The following LOXHD1 variants were observed in gnomAD, a reference collection of about 807,000 sequenced individuals.
LOXHD1 encodes the protein lipoxygenase homology PLAT domains 1, also known as lipoxygenase homology domain-containing protein 1.
Under a neutral mutation model 248.2 loss-of-function variants are expected in LOXHD1, and 205 were observed. The observed-to-expected ratio is 0.83, with a 90% CI of 0.74 to 0.93. The LOEUF (loss-of-function observed/expected upper bound fraction) is 0.93, where lower values mean the gene tolerates loss of function less well. Among genes scored for constraint, LOXHD1 ranks in the 40% least tolerant of loss-of-function variants. The pLI, the probability that LOXHD1 is intolerant of heterozygous loss-of-function variation, is 0.00. For missense variants in LOXHD1, 2,930 were observed against 2,971.6 expected, an observed-to-expected ratio of 0.99 and a Z score of 0.33; for synonymous variants, 1,113 against 1,162.8, an observed-to-expected ratio of 0.96 and a Z score of 0.87.
chr18:46,569,729 C>G (rs2037715419), intron 15 of LOXHD1, 91 bp from the exon 16 acceptor site: 2 of 1,056,156 alleles, frequency 1.9e-6, no homozygotes, highest in African/African-American at 3.2e-5. Flanking sequence ...CAGCCTGGAG[C>G]TGGAGGTTTG....
intron 12 of LOXHD1, among the ~76,000 whole-genome samples, chr18:46,588,707 A>T (rs1310320891): frequency 6.6e-6 from 1 of 152,056 alleles, no homozygotes; most frequent in Non-Finnish European, 1.5e-5. Flanking sequence ...CCTTCAAAAT[A>T]TTTCTTAAAT....
At chr18:46,496,688 C>A (rs1323412229) in intron 37 of LOXHD1, among the ~76,000 whole-genome samples, 1 of 152,192 alleles carries the variant, frequency 6.6e-6, no homozygotes, top group Non-Finnish European at 1.5e-5. Context: ...AACCTAGTAT[C>A]TCAACCACAT....
chr18:46,560,310 C>A lies in LOXHD1; in HGVS notation c.2834G>T (p.Gly945Val). ...KLQRKKKKRK[G>V]SDEEDEGEEE... Reference sequence around the variant, plus strand: ...CTCCCCCTCGTCCTCTTCGTCGCTGCCCTTCCTCTTCTTCTTCTTCCTCTG... The same window carrying A: ...CTCCCCCTCGTCCTCTTCGTCGCTGACCTTCCTCTTCTTCTTCTTCCTCTG... The change falls in exon 19 of 41, where the codon GGC becomes GTC. Residue 945 changes from glycine (G) to valine (V), a missense_variant. By Grantham distance (109) the Gly-to-Val change is moderately radical (BLOSUM62 -3). Transcript: ENST00000642948. The A allele has an allele frequency of 1.9e-6, 3 of 1,547,292 alleles. No individual in the cohort carries two copies. The highest frequency in any genetic ancestry group is 2.6e-6 in the Non-Finnish European group (3 of 1,142,856).
intron 28 of LOXHD1, among the ~76,000 whole-genome samples, chr18:46,529,954 G>A (rs950441855): frequency 2.0e-5 from 3 of 152,112 alleles, no homozygotes; most frequent in Non-Finnish European, 4.4e-5. Context: ...GTAAATATGG[G>A]TGTGACAATT....
chr18:46,601,691 A>G (rs182513952), intron 7 of LOXHD1: 230 of 566,430 alleles, frequency 4.1e-4, no homozygotes, highest in African/African-American at 3.6e-3. Flanking sequence ...TTGAGAATAA[A>G]CCGCACGTAT....
chr18:46,484,469 T>C (rs1016850691), intron 39 of LOXHD1, among the ~76,000 whole-genome samples: 1 of 152,152 alleles, frequency 6.6e-6, no homozygotes, highest in South Asian at 2.1e-4. Context: ...AGTGAGAAGA[T>C]GGCTATGAAC....
At chr18:46,656,762 G>A (rs1048197364) in intron 1 of LOXHD1, 142 bp downstream of exon 1, 2 of 991,594 alleles carry the variant, frequency 2.0e-6, no homozygotes, top group African/African-American at 3.2e-5. Flanking sequence ...TTACTCCGAG[G>A]GGATATGGAA....
Position 46,563,111 on chromosome 18 carries a change from G to C in LOXHD1, c.2552C>G (p.Ser851Cys). Residue 851 changes from serine (S) to cysteine (C), a missense_variant, in exon 18 of 41, where the codon TCC (serine) becomes TGC (cysteine). Physicochemically the swap from Ser to Cys is moderately radical, Grantham distance 112 (BLOSUM62 -1). Coordinates refer to ENST00000642948, the MANE Select transcript of LOXHD1 (RefSeq NM_001384474.1). ...EKGKTEVLFL[S>C]SRSKVFERAS... ...CCGTTCAAAAACTTTTGAGCGGCTG[G>C]AGAGGAAGAGCACTTCTGTCTTGCC... is the stretch of plus-strand genomic sequence containing the variant. 1 of 1,546,340 alleles carries C rather than the reference G, an allele frequency of 6.5e-7. No homozygotes were observed. Among genetic ancestry groups the C allele is most frequent in the Non-Finnish European group, 8.8e-7 (1 of 1,142,436 alleles).
intron 12 of LOXHD1, among the ~76,000 whole-genome samples, chr18:46,589,454 T>C (rs1402631994): frequency 5.3e-5 from 8 of 152,176 alleles, no homozygotes; most frequent in Non-Finnish European, 1.2e-4. Flanking sequence ...AGTCCTGTAG[T>C]ACCCATCACA....
chr18:46,522,079 T>TG lies in LOXHD1; in HGVS notation c.5085+21dup. ...TCTATCCCTAGGGTGGTCACTATCA[T>TG]GGGGCCCCGAGAAGCCAGCACCTCT... On this transcript the variant is annotated intron_variant, in intron 32 of 40. Coordinates refer to ENST00000642948, the MANE Select transcript of LOXHD1 (RefSeq NM_001384474.1). 2.0e-6 allele frequency: 3 copies of TG among 1,495,570 alleles called. No individual in the cohort carries two copies. The Middle Eastern group carries it at 5.2e-4, about 261-fold the overall frequency. The allele number at this position is 1,495,570 out of a possible 1,614,324, so 92.6% of individuals were successfully genotyped here.
At chr18:46,567,614 C>T (rs2037669338) in intron 16 of LOXHD1, among the ~76,000 whole-genome samples, 1 of 152,208 alleles carries the variant, frequency 6.6e-6, no homozygotes, top group African/African-American at 2.4e-5. Flanking sequence ...AGGGCAGACA[C>T]TAGCTCAGTT....
At chr18:46,621,412 C>T (rs998692279) in intron 4 of LOXHD1, among the ~76,000 whole-genome samples, 1 of 152,212 alleles carries the variant, frequency 6.6e-6, no homozygotes, top group African/African-American at 2.4e-5. Context: ...CAAAACAAGG[C>T]CCATGGCCCA....
At position 46,623,926 on chromosome 18, in the gene LOXHD1, C is replaced by G. The variant is rs190662760; in HGVS notation, c.512-5636G>C. On this transcript the variant is annotated intron_variant, in intron 4 of 40. Transcript: ENST00000642948. Reference sequence around the variant, plus strand: ...GCTGGTGAGGCTGCTTGCCACATTCCCGACTACAGAAGTCAAGCATATGCC... The same window carrying G: ...GCTGGTGAGGCTGCTTGCCACATTCGCGACTACAGAAGTCAAGCATATGCC... 2.4e-3 allele frequency among the ~76,000 whole-genome samples: 373 copies of G among 152,352 alleles called. 1 individual carries two copies. Among genetic ancestry groups the G allele is most frequent in the African/African-American group, 8.5e-3 (354 of 41,576 alleles).
intron 37 of LOXHD1, among the ~76,000 whole-genome samples, chr18:46,497,249 G>A (rs1009264414): frequency 3.9e-5 from 6 of 152,138 alleles, no homozygotes; most frequent in Non-Finnish European, 8.8e-5. Context: ...GTGGGGTGGG[G>A]TGTCAAGCTC....
At chr18:46,596,756 G>A (rs1186673354) in intron 8 of LOXHD1, among the ~76,000 whole-genome samples, 1 of 152,158 alleles carries the variant, frequency 6.6e-6, no homozygotes, top group Non-Finnish European at 1.5e-5. Context: ...AAGATCTTAA[G>A]AGCATCTGGA....
chr18:46,581,562 T>C (rs2037962672), intron 12 of LOXHD1, among the ~76,000 whole-genome samples: 1 of 152,032 alleles, frequency 6.6e-6, no homozygotes, highest in East Asian at 1.9e-4. Flanking sequence ...GTATATGGAG[T>C]CCATTTAAAG....
In LOXHD1 at chr18:46,518,266, G is replaced by C. The variant is rs1302400918; in HGVS notation, c.5272-10C>G. 1 of 1,550,534 alleles carries C rather than the reference G, an allele frequency of 6.4e-7. No homozygotes were observed. The highest frequency in any genetic ancestry group is 1.4e-5 in the African/African-American group (1 of 73,024). On this transcript the variant is annotated splice_polypyrimidine_tract_variant and intron_variant, in intron 33 of 40. Transcript: ENST00000642948. ...TCATTTCATAGAGAACCTGCCATGA[G>C]AGGAATGCAGGTGCTGAGTCTCAGC...
chr18:46,522,645 C>A (rs1230753178), intron 31 of LOXHD1, among the ~76,000 whole-genome samples: 1 of 152,130 alleles, frequency 6.6e-6, no homozygotes, highest in East Asian at 1.9e-4. Flanking sequence ...CCTCTCACCA[C>A]GTATAGGCAT....
chr18:46,642,795 G>A (rs2144383920), intron 2 of LOXHD1, among the ~76,000 whole-genome samples: 1 of 152,296 alleles, frequency 6.6e-6, no homozygotes, highest in East Asian at 1.9e-4. Context: ...GTCAACAGCT[G>A]TTCCATCCTG....
Sources: gnomAD v4.1 joint callset for allele counts (sites outside exome capture counted in the v4.1 genomes callset) on GRCh38, gnomAD v4.1.1 for gene constraint, MANE v1.5 for transcripts, NCBI Gene and HGNC (gene_info 2026-07-23, HGNC 2026-07-21) for gene names.